XKR4: variants seen among roughly 807,000 people sequenced by gnomAD.
The protein encoded by XKR4 is XK related 4.
A neutral mutation model predicts 53.9 loss-of-function variants in XKR4; 12 were observed. The observed-to-expected ratio is 0.22, with a 90% CI of 0.14 to 0.36. XKR4 has a LOEUF of 0.36. XKR4 is among the 10% of genes least tolerant of loss of function. The probability of loss-of-function intolerance (pLI) is 1.00; values close to 1 mark genes in which losing one functional copy is unlikely to be tolerated. For synonymous variants in XKR4, 354 were observed against 362.4 expected (o/e 0.98, Z 0.26); for missense variants, 799 against 859.5 (o/e 0.93, Z 0.88).
At chr8:55,212,615 C>A (rs1469086061) in intron 1 of XKR4, among the ~76,000 whole-genome samples, 1 of 152,166 alleles carries the variant, frequency 6.6e-6, no homozygotes, top group Non-Finnish European at 1.5e-5. Context: ...GAGGAGAGGG[C>A]CAAAGGCATT....
intron 1 of XKR4, among the ~76,000 whole-genome samples, chr8:55,152,959 A>G (rs1391697929): frequency 6.6e-6 from 1 of 152,184 alleles, no homozygotes; most frequent in Non-Finnish European, 1.5e-5. Flanking sequence ...CCTGTTCTTT[A>G]TAGTATGAAC....
In XKR4 at chr8:55,306,106, G is replaced by A. The variant is rs560264666; in HGVS notation, c.807-51572G>A. 5.9e-5 allele frequency among the ~76,000 whole-genome samples: 9 copies of A among 152,242 alleles called. No homozygotes were observed. The South Asian group carries it at 1.9e-3, about 32-fold the overall frequency. On this transcript the variant is annotated intron_variant, in intron 1 of 2. Transcript: ENST00000327381. ...ACCACAATTTTGTTTAAAGTGGGGT[G>A]TATTTACCTGCTCCTAAACAGAGAT...
In XKR4 at chr8:55,357,663, A is replaced by G. The variant is rs201833465; in HGVS notation, c.807-15A>G. On this transcript the variant is annotated splice_polypyrimidine_tract_variant and intron_variant, in intron 1 of 2. Coordinates refer to ENST00000327381, the MANE Select transcript of XKR4 (RefSeq NM_052898.2). ...ATCACTCATCTCTTTCTTATTCTCC[A>G]TGTTTTCTTTCTAGATATTTCCACA... is the stretch of plus-strand genomic sequence containing the variant. 3.1e-6 allele frequency: 5 copies of G among 1,613,582 alleles called. No homozygotes were observed. Among genetic ancestry groups the G allele is most frequent in the Non-Finnish European group, 2.5e-6 (3 of 1,179,534 alleles).
At chr8:55,385,815 C>T (rs1377566697) in intron 2 of XKR4, among the ~76,000 whole-genome samples, 1 of 152,038 alleles carries the variant, frequency 6.6e-6, no homozygotes, top group Non-Finnish European at 1.5e-5. Context: ...TTAGAAAGAA[C>T]CATGAGGAGA....
At position 55,445,250 on chromosome 8, in the gene XKR4, C is replaced by A. The variant is rs575087810; in HGVS notation, c.1007-78031C>A. On this transcript the variant is annotated intron_variant, in intron 2 of 2. Coordinates refer to ENST00000327381, the MANE Select transcript of XKR4 (RefSeq NM_052898.2). ...TTTTTTGTATTTTTAGTAGAGACGG[C>A]GTTTCACTGTGTTAGCCAGGATGGT... 1.8e-4 allele frequency among the ~76,000 whole-genome samples: 28 copies of A among 151,862 alleles called. 1 individual carries two copies. In the South Asian group the frequency reaches 4.6e-3, roughly 25 times the overall value.
intron 1 of XKR4, among the ~76,000 whole-genome samples, chr8:55,347,972 C>T (rs1383160079): frequency 1.3e-5 from 2 of 152,150 alleles, no homozygotes; most frequent in Non-Finnish European, 2.9e-5. Flanking sequence ...ATGCAGAATC[C>T]TCAAAAGGAA....
chr8:55,454,435 C>G, intron 2 of XKR4: 1 of 1,218,138 alleles, frequency 8.2e-7, no homozygotes, highest in Non-Finnish European at 1.2e-6. Context: ...CGGTGAGCTG[C>G]TGGTAGCTCC....
At chr8:55,454,260 T>G in intron 2 of XKR4, 2 of 1,288,746 alleles carry the variant, frequency 1.6e-6, no homozygotes, top group Admixed American at 3.4e-5. Flanking sequence ...TCAGCTACAA[T>G]CACGTCTAGC....
intron 2 of XKR4, among the ~76,000 whole-genome samples, chr8:55,493,353 A>G (rs1806297729): frequency 6.6e-6 from 1 of 152,188 alleles, no homozygotes; most frequent in African/African-American, 2.4e-5. Context: ...CTCTGCAGGC[A>G]TCTATGCTCA....
intron 2 of XKR4, among the ~76,000 whole-genome samples, chr8:55,388,092 G>T (rs1804351248): frequency 6.6e-6 from 1 of 152,138 alleles, no homozygotes; most frequent in African/African-American, 2.4e-5. Context: ...TAGGGAGGGG[G>T]TCTGCTGGGC....
At chr8:55,342,735 A>G (rs1379842966) in intron 1 of XKR4, among the ~76,000 whole-genome samples, 2 of 152,148 alleles carry the variant, frequency 1.3e-5, no homozygotes, top group African/African-American at 4.8e-5. Context: ...TCACCTCTCT[A>G]GTATATTTCC....
At chr8:55,370,351 A>T (rs2129386011) in intron 2 of XKR4, among the ~76,000 whole-genome samples, 1 of 152,334 alleles carries the variant, frequency 6.6e-6, no homozygotes, top group East Asian at 1.9e-4. Context: ...ATAGTGCCCC[A>T]TCTGAATGTA....
chr8:55,118,321 T>G (rs1012977619), intron 1 of XKR4, among the ~76,000 whole-genome samples: 2 of 152,240 alleles, frequency 1.3e-5, no homozygotes, highest in African/African-American at 4.8e-5. Context: ...TGTATTTATA[T>G]CCTCATTTTG....
At chr8:55,495,736 G>T (rs1033504115) in intron 2 of XKR4, among the ~76,000 whole-genome samples, 1 of 152,224 alleles carries the variant, frequency 6.6e-6, no homozygotes, top group Non-Finnish European at 1.5e-5. Context: ...AGGTTGGATT[G>T]GGGGCAGCTC....
chr8:55,337,883 T>C (rs951336653), intron 1 of XKR4, among the ~76,000 whole-genome samples: 2 of 152,248 alleles, frequency 1.3e-5, no homozygotes, highest in Admixed American at 6.5e-5. Flanking sequence ...TTTTCCTCAC[T>C]ATGTTATGAG....
chr8:55,379,044 A>C (rs890747417), intron 2 of XKR4, among the ~76,000 whole-genome samples: 1 of 152,186 alleles, frequency 6.6e-6, no homozygotes, highest in Non-Finnish European at 1.5e-5. Flanking sequence ...TTCCAGGTGA[A>C]CCCTCATGAG....
At chr8:55,254,349 T>C (rs1343469131) in intron 1 of XKR4, among the ~76,000 whole-genome samples, 2 of 152,116 alleles carry the variant, frequency 1.3e-5, no homozygotes, top group Non-Finnish European at 2.9e-5. Context: ...AAATAATCAC[T>C]GTATGTAATC....
chr8:55,220,011 T>C lies in XKR4; in HGVS notation c.806+116717T>C, dbSNP rs897743753. Among the ~76,000 whole-genome samples the C allele has an allele frequency of 7.2e-5, 11 of 152,146 alleles. 1 individual carries two copies. The highest frequency in any genetic ancestry group is 7.2e-4 in the Admixed American group (11 of 15,282). On this transcript the variant is annotated intron_variant, in intron 1 of 2. Transcript: ENST00000327381. ...GTGATCTATTGCACTGTGATAACCA[T>C]AGTTAAAAATAATATATTGTATGTT...
chr8:55,338,102 A>G (rs1803489819), intron 1 of XKR4, among the ~76,000 whole-genome samples: 1 of 152,252 alleles, frequency 6.6e-6, no homozygotes, highest in Admixed American at 6.5e-5. Flanking sequence ...TTTGTCAGGC[A>G]TTGTGAAAAG....
Sources: allele counts gnomAD v4.1 joint callset (sites outside exome capture counted in the v4.1 genomes callset), GRCh38; gene constraint gnomAD v4.1.1; transcripts MANE v1.5; gene names NCBI Gene and HGNC (gene_info 2026-07-23, HGNC 2026-07-21).